The following ANO2 variants were observed in gnomAD, a reference collection of about 807,000 sequenced individuals.
ANO2 encodes anoctamin-2.
A neutral mutation model predicts 124.2 loss-of-function variants in ANO2; 101 were observed. The ratio of observed to expected loss-of-function variants is 0.81; its 90% CI spans 0.69 to 0.96. The LOEUF (loss-of-function observed/expected upper bound fraction) is 0.96, where lower values mean the gene tolerates loss of function less well. ANO2 is among the 40% of genes least tolerant of loss of function. The pLI is 0.00. For missense variants in ANO2, 1,293 were observed against 1,274.5 expected (o/e 1.01, Z -0.22); for synonymous variants, 486 against 482.5 (o/e 1.01, Z -0.09).
chr12:5,690,859 G>A (rs1948903370), intron 14 of ANO2, among the ~76,000 whole-genome samples: 1 of 152,072 alleles, frequency 6.6e-6, no homozygotes, highest in African/African-American at 2.4e-5. Flanking sequence ...ATAAAAATCA[G>A]GAATTACGCC....
At chr12:5,853,457 C>A (rs996293893) in intron 4 of ANO2, among the ~76,000 whole-genome samples, 13 of 151,932 alleles carry the variant, frequency 8.6e-5, no homozygotes, top group African/African-American at 3.1e-4. Flanking sequence ...CCATACCAAC[C>A]AAGTAGGTCA....
At chr12:5,573,976 C>T (rs546499133) in intron 23 of ANO2, among the ~76,000 whole-genome samples, 11 of 152,318 alleles carry the variant, frequency 7.2e-5, no homozygotes, top group East Asian at 1.9e-4. Context: ...GGCTGTCTTA[C>T]GAAAGGCTGG....
intron 10 of ANO2, among the ~76,000 whole-genome samples, chr12:5,771,922 T>C (rs1320854354): frequency 6.6e-6 from 1 of 152,188 alleles, no homozygotes; most frequent in East Asian, 1.9e-4. Flanking sequence ...TTAAACATCA[T>C]CTGTTCATTA....
intron 23 of ANO2, among the ~76,000 whole-genome samples, chr12:5,570,004 T>C (rs1942006876): frequency 6.6e-6 from 1 of 152,238 alleles, no homozygotes; most frequent in African/African-American, 2.4e-5. Context: ...TTGATTCAAG[T>C]ACATTTTTAT....
intron 20 of ANO2, among the ~76,000 whole-genome samples, chr12:5,589,143 C>T (rs571337525): frequency 3.2e-4 from 48 of 152,322 alleles, no homozygotes; most frequent in African/African-American, 1.1e-3. Flanking sequence ...CTATTGCCCC[C>T]AATGAAGTTT....
At chr12:5,653,224 C>G (rs564485786) in intron 14 of ANO2, among the ~76,000 whole-genome samples, 26 of 152,300 alleles carry the variant, frequency 1.7e-4, no homozygotes, top group Admixed American at 1.5e-3. Context: ...TCGTCACTGG[C>G]CACTTCATTA....
intron 1 of ANO2, among the ~76,000 whole-genome samples, chr12:5,934,731 G>C (rs867801989): frequency 1.0e-3 from 159 of 152,302 alleles, no homozygotes; most frequent in African/African-American, 3.7e-3. Flanking sequence ...CAACAGATTT[G>C]CTCTGTTTGC....
chr12:5,799,005 AG>A (rs1952956355), intron 10 of ANO2, among the ~76,000 whole-genome samples: 2 of 152,260 alleles, frequency 1.3e-5, no homozygotes, highest in African/African-American at 4.8e-5. Flanking sequence ...ACAACACAGA[AG>A]GGAGGAAACC....
intron 16 of ANO2, among the ~76,000 whole-genome samples, chr12:5,633,717 T>C (rs1006494761): frequency 1.3e-5 from 2 of 152,190 alleles, no homozygotes; most frequent in African/African-American, 4.8e-5. Context: ...TCATGCTTTC[T>C]TTCTCCCGTA....
intron 4 of ANO2, among the ~76,000 whole-genome samples, chr12:5,851,511 C>A (rs1311537903): frequency 6.6e-6 from 1 of 151,910 alleles, no homozygotes; most frequent in Admixed American, 6.6e-5. Context: ...ATGGAGAAAC[C>A]CTGTCTCTAC....
chr12:5,916,273 T>C (rs901454280), intron 3 of ANO2, among the ~76,000 whole-genome samples: 6 of 151,262 alleles, frequency 4.0e-5, no homozygotes, highest in Non-Finnish European at 3.0e-5. Context: ...TGAGGCCTGG[T>C]CTCAAAAATA....
chr12:5,823,949 G>A (rs1454115281), intron 7 of ANO2, among the ~76,000 whole-genome samples: 4 of 152,228 alleles, frequency 2.6e-5, no homozygotes, highest in Admixed American at 6.5e-5. Flanking sequence ...TGGGGCTTCC[G>A]TCCTCTGAAG....
chr12:5,772,252 A>G (rs894401157), intron 10 of ANO2, among the ~76,000 whole-genome samples: 3 of 152,226 alleles, frequency 2.0e-5, no homozygotes, highest in Non-Finnish European at 2.9e-5. Context: ...GTATCACATG[A>G]CAGAGAAAGA....
chr12:5,927,582 A>G (rs978161644), intron 1 of ANO2, among the ~76,000 whole-genome samples: 1 of 152,194 alleles, frequency 6.6e-6, no homozygotes, highest in Non-Finnish European at 1.5e-5. Flanking sequence ...ATCTACCATC[A>G]GGGCTTCCAA....
chr12:5,812,987 T>C (rs71435073), intron 7 of ANO2, among the ~76,000 whole-genome samples: 127,623 of 141,882 alleles, frequency 0.9, 57,742 homozygotes, highest in East Asian at 0.99. Flanking sequence ...GAAGGAAGGG[T>C]AAGCAAACAA....
At chr12:5,850,164 C>T (rs1309844121) in intron 4 of ANO2, among the ~76,000 whole-genome samples, 2 of 152,014 alleles carry the variant, frequency 1.3e-5, no homozygotes, top group African/African-American at 2.4e-5. Context: ...GCCTGTAAGC[C>T]CAACACTTTG....
chr12:5,631,303 T>C (rs571249173), intron 16 of ANO2, among the ~76,000 whole-genome samples: 215 of 152,278 alleles, frequency 1.4e-3, no homozygotes, highest in Non-Finnish European at 2.6e-3. Context: ...AAGTTCTCCT[T>C]CTAGATCTTT....
chr12:5,847,720 T>C (rs1194699179), intron 4 of ANO2, among the ~76,000 whole-genome samples: 1 of 152,188 alleles, frequency 6.6e-6, no homozygotes, highest in Non-Finnish European at 1.5e-5. Flanking sequence ...TAAATGGAAT[T>C]ACCTTTCCCT....
intron 14 of ANO2, among the ~76,000 whole-genome samples, chr12:5,673,786 A>G (rs959513740): frequency 2.0e-5 from 3 of 152,208 alleles, no homozygotes; most frequent in Non-Finnish European, 4.4e-5. Flanking sequence ...GAGAAGCAGA[A>G]ACAACAGCTT....
Sources: allele counts gnomAD v4.1 joint callset (sites outside exome capture counted in the v4.1 genomes callset), GRCh38; gene constraint gnomAD v4.1.1; transcripts MANE v1.5; gene names NCBI Gene and HGNC (gene_info 2026-07-23, HGNC 2026-07-21).